Variants in MAML3 observed in about 807,000 individuals in gnomAD.
MAML3 encodes the protein mastermind like transcriptional coactivator 3, also known as mastermind-like protein 3.
A neutral mutation model predicts 101.9 loss-of-function variants in MAML3; 27 were observed. The observed-to-expected ratio is 0.27, with a 90% CI of 0.20 to 0.37. MAML3 has a LOEUF of 0.37. Ranked by LOEUF, MAML3 falls within the 10% of genes least tolerant of loss-of-function variation. The pLI, the probability that MAML3 is intolerant of heterozygous loss-of-function variation, is 1.00. For missense variants in MAML3, 1,316 were observed against 1,444.9 expected (o/e 0.91, Z 1.45); for synonymous variants, 501 against 555.9 (o/e 0.90, Z 1.39).
chr4:139,860,155 G>C (rs559912688), intron 2 of MAML3, among the ~76,000 whole-genome samples: 2 of 152,368 alleles, frequency 1.3e-5, no homozygotes, highest in African/African-American at 4.8e-5. Context: ...GAAGCCCCTA[G>C]CTCCCTCCCA....
intron 1 of MAML3, among the ~76,000 whole-genome samples, chr4:140,012,465 TCA>T (rs1174438901): frequency 6.6e-6 from 1 of 152,208 alleles, no homozygotes; most frequent in Admixed American, 6.5e-5. Context: ...CCTACAGTTC[TCA>T]GTTTCCTCCC....
chr4:139,771,315 G>A (rs765837370), intron 2 of MAML3, among the ~76,000 whole-genome samples: 3 of 152,184 alleles, frequency 2.0e-5, no homozygotes, highest in Non-Finnish European at 2.9e-5. Context: ...GTTATGGGCT[G>A]ATCATCCTGT....
At chr4:139,819,284 C>T (rs576507009) in intron 2 of MAML3, among the ~76,000 whole-genome samples, 1 of 152,148 alleles carries the variant, frequency 6.6e-6, no homozygotes, top group East Asian at 1.9e-4. Context: ...AAGTGTGTGG[C>T]TCACTCAAGA....
At chr4:140,034,665 T>C (rs1039319895) in intron 1 of MAML3, among the ~76,000 whole-genome samples, 8 of 152,252 alleles carry the variant, frequency 5.3e-5, no homozygotes, top group South Asian at 2.1e-4. Flanking sequence ...CCAAGTCTGA[T>C]GCTTACTAGC....
intron 2 of MAML3, among the ~76,000 whole-genome samples, chr4:139,859,371 A>AT (rs11343508): frequency 0.012 from 1,737 of 140,634 alleles, 36 homozygotes; most frequent in African/African-American, 0.039. Context: ...TGCCTGGCTA[A>AT]TTTTTTTTTT....
At chr4:139,784,885 G>A (rs763493749) in intron 2 of MAML3, among the ~76,000 whole-genome samples, 4 of 151,764 alleles carry the variant, frequency 2.6e-5, no homozygotes, top group Non-Finnish European at 5.9e-5. Flanking sequence ...GGGAGCTAAT[G>A]TGTGCACGTG....
At chr4:139,897,095 C>T (rs149774653) in intron 1 of MAML3, among the ~76,000 whole-genome samples, 135 of 152,252 alleles carry the variant, frequency 8.9e-4, no homozygotes, top group African/African-American at 3.0e-3. Flanking sequence ...TGATTTTGCA[C>T]GAAGTTGGGC....
At chr4:139,900,424 T>C (rs1732695662) in intron 1 of MAML3, among the ~76,000 whole-genome samples, 1 of 152,176 alleles carries the variant, frequency 6.6e-6, no homozygotes, top group Non-Finnish European at 1.5e-5. Flanking sequence ...TCGTAAAACA[T>C]CAGGAGCAGT....
chr4:140,142,194 CATAAT>C (rs1728988843), intron 1 of MAML3, among the ~76,000 whole-genome samples: 1 of 151,956 alleles, frequency 6.6e-6, no homozygotes, highest in Non-Finnish European at 1.5e-5. Context: ...GACAAGTATA[CATAAT>C]ATGATTCCAT....
chr4:139,946,567 T>C (rs1733730268), intron 1 of MAML3, among the ~76,000 whole-genome samples: 2 of 152,162 alleles, frequency 1.3e-5, no homozygotes, highest in African/African-American at 4.8e-5. Context: ...AATGAATAAT[T>C]ACAGATTTTT....
chr4:139,728,625 A>G (rs2110981495), intron 3 of MAML3, among the ~76,000 whole-genome samples: 1 of 152,238 alleles, frequency 6.6e-6, no homozygotes, highest in Non-Finnish European at 1.5e-5. Context: ...TTTGGTACAC[A>G]CAGTTGCTAC....
chr4:139,776,350 T>C (rs977746749), intron 2 of MAML3, among the ~76,000 whole-genome samples: 1 of 152,180 alleles, frequency 6.6e-6, no homozygotes, highest in African/African-American at 2.4e-5. Flanking sequence ...CCTGTCGTGA[T>C]ACAGTGCCCT....
At chr4:140,126,114 T>A (rs1728681749) in intron 1 of MAML3, among the ~76,000 whole-genome samples, 1 of 151,516 alleles carries the variant, frequency 6.6e-6, no homozygotes, top group Admixed American at 6.6e-5. Flanking sequence ...ATTATTCCAT[T>A]TAATGGACCC....
chr4:139,755,904 G>A (rs1232779848), intron 2 of MAML3, among the ~76,000 whole-genome samples: 1 of 152,140 alleles, frequency 6.6e-6, no homozygotes, highest in Non-Finnish European at 1.5e-5. Flanking sequence ...AACACTGTGG[G>A]GTCCAAAGTT....
Position 140,135,252 on chromosome 4 carries a change from A to C in MAML3, c.468+17608T>G, listed in dbSNP as rs151301622. Among the ~76,000 whole-genome samples, 879 of 152,354 alleles carry C rather than the reference A, an allele frequency of 5.8e-3. 10 individuals are homozygous for C. The highest frequency in any genetic ancestry group is 0.02 in the African/African-American group (838 of 41,586). On this transcript the variant is annotated intron_variant, in intron 1 of 4. Transcript: ENST00000509479. ...TAAAAACCACATAGACGAATACTCT[A>C]TCTCCTTTCTAGCAGCAACCCTGGC...
At chr4:140,137,283 C>G (rs1424388048) in intron 1 of MAML3, among the ~76,000 whole-genome samples, 1 of 152,202 alleles carries the variant, frequency 6.6e-6, no homozygotes, top group Non-Finnish European at 1.5e-5. Flanking sequence ...CCACCGCGCC[C>G]GGCCTAAAGA....
At chr4:140,032,704 C>A (rs1042926998) in intron 1 of MAML3, among the ~76,000 whole-genome samples, 1 of 151,790 alleles carries the variant, frequency 6.6e-6, no homozygotes, top group Non-Finnish European at 1.5e-5. Context: ...ATATTTGAAC[C>A]CTCTTCATTC....
intron 1 of MAML3, among the ~76,000 whole-genome samples, chr4:140,015,691 C>T (rs184200064): frequency 7.9e-5 from 12 of 152,276 alleles, no homozygotes; most frequent in South Asian, 4.1e-4. Context: ...TGGTGGCTTA[C>T]GCCTGTAATC....
chr4:139,769,899 G>C (rs1489910403), intron 2 of MAML3, among the ~76,000 whole-genome samples: 1 of 149,572 alleles, frequency 6.7e-6, no homozygotes, highest in Non-Finnish European at 1.5e-5. Context: ...ACAGGCGTGA[G>C]CCATCGCGCC....
Sources: gnomAD v4.1 joint callset for allele counts (sites outside exome capture counted in the v4.1 genomes callset) on GRCh38, gnomAD v4.1.1 for gene constraint, MANE v1.5 for transcripts, NCBI Gene and HGNC (gene_info 2026-07-23, HGNC 2026-07-21) for gene names.